HECW2: variants seen among roughly 807,000 people sequenced by gnomAD.
HECW2 encodes E3 ubiquitin-protein ligase HECW2.
In HECW2, 61 loss-of-function variants were observed where a neutral mutation model predicts 175.2. The ratio of observed to expected loss-of-function variants is 0.35; its 90% CI spans 0.28 to 0.43. The LOEUF is 0.43. Ranked by LOEUF, HECW2 falls within the 20% of genes least tolerant of loss-of-function variation. The pLI, the probability that HECW2 is intolerant of heterozygous loss-of-function variation, is 1.00. For synonymous variants in HECW2, 671 were observed against 731.0 expected, an observed-to-expected ratio of 0.92 and a Z score of 1.32; for missense variants, 1,524 against 2,000.5, an observed-to-expected ratio of 0.76 and a Z score of 4.54.
chr2:196,239,554 T>A (rs1688372868), intron 21 of HECW2: 1 of 152,256 alleles, frequency 6.6e-6, no homozygotes, highest in Non-Finnish European at 1.5e-5. Context: ...TAATCTAATA[T>A]ACTTTATTCC....
Position 196,562,991 on chromosome 2 carries a change from C to T in HECW2, c.-36+30517G>A, listed in dbSNP as rs541677537. On this transcript the variant is annotated intron_variant, in intron 1 of 28. Transcript: ENST00000644978. Reference sequence around the variant, plus strand: ...CTGGGAGGTTGAGGCTGCAGTGAGCCATGAACGCACAATGTACTCCAGCCT... The same window carrying T: ...CTGGGAGGTTGAGGCTGCAGTGAGCTATGAACGCACAATGTACTCCAGCCT... Among the ~76,000 whole-genome samples, 6 of 152,172 alleles carry T rather than the reference C, an allele frequency of 3.9e-5. No individual in the cohort carries two copies. The East Asian group carries it at 1.2e-3, about 29-fold the overall frequency.
At chr2:196,330,486 C>T (rs1289078277) in intron 4 of HECW2, among the ~76,000 whole-genome samples, 1 of 152,208 alleles carries the variant, frequency 6.6e-6, no homozygotes, top group African/African-American at 2.4e-5. Flanking sequence ...AAGATTATTT[C>T]CTTGAGCAAA....
At chr2:196,312,908 C>A (rs1691552026) in intron 10 of HECW2, among the ~76,000 whole-genome samples, 1 of 152,142 alleles carries the variant, frequency 6.6e-6, no homozygotes, top group African/African-American at 2.4e-5. Flanking sequence ...TTTTCAGATT[C>A]ACTGCATGGT....
chr2:196,387,450 T>A (rs996699819), intron 2 of HECW2, among the ~76,000 whole-genome samples: 1 of 152,132 alleles, frequency 6.6e-6, no homozygotes, highest in Non-Finnish European at 1.5e-5. Flanking sequence ...GGTAGCACCA[T>A]CTGTGAGGAA....
intron 2 of HECW2, among the ~76,000 whole-genome samples, chr2:196,371,163 G>A (rs975670980): frequency 3.3e-5 from 5 of 151,994 alleles, no homozygotes; most frequent in Admixed American, 1.3e-4. Flanking sequence ...TCTGATACAG[G>A]TACTCTTTGA....
At chr2:196,253,444 G>T (rs1869797) in intron 19 of HECW2, among the ~76,000 whole-genome samples, 142,120 of 152,270 alleles carry the variant, frequency 0.93, 67,076 homozygotes, top group Non-Finnish European at 1. Context: ...CACATTTCAG[G>T]TTACCTATCA....
chr2:196,332,848 G>A (rs1371332156), intron 4 of HECW2, among the ~76,000 whole-genome samples: 1 of 152,168 alleles, frequency 6.6e-6, no homozygotes, highest in African/African-American at 2.4e-5. Context: ...TGACATGGCA[G>A]ACTTTGTAAT....
At chr2:196,361,513 C>T (rs1210316547) in intron 2 of HECW2, among the ~76,000 whole-genome samples, 1 of 152,138 alleles carries the variant, frequency 6.6e-6, no homozygotes, top group East Asian at 1.9e-4. Flanking sequence ...TAGGTAGAAC[C>T]TGTACTTAAC....
chr2:196,443,313 CCAGTGCCAATAT>C (rs1696092422), intron 1 of HECW2, among the ~76,000 whole-genome samples: 3 of 152,072 alleles, frequency 2.0e-5, no homozygotes, highest in Admixed American at 6.6e-5. Flanking sequence ...TAACAAAATA[CCAGTGCCAATAT>C]CATAGACCCT....
At chr2:196,275,384 T>C (rs1415169405) in intron 15 of HECW2, among the ~76,000 whole-genome samples, 1 of 152,138 alleles carries the variant, frequency 6.6e-6, no homozygotes, top group Non-Finnish European at 1.5e-5. Context: ...AAAAAGAAAA[T>C]TTACAAAGCA....
intron 2 of HECW2, among the ~76,000 whole-genome samples, chr2:196,356,493 G>A (rs566919477): frequency 1.3e-5 from 2 of 152,250 alleles, no homozygotes; most frequent in South Asian, 2.1e-4. Context: ...CATCCCGCCC[G>A]GATGTAAATC....
At chr2:196,272,712 T>C (rs547939020) in intron 16 of HECW2, among the ~76,000 whole-genome samples, 1 of 152,320 alleles carries the variant, frequency 6.6e-6, no homozygotes, top group South Asian at 2.1e-4. Context: ...AATACCATTG[T>C]CAACTCAAAT....
chr2:196,257,283 G>GC (rs398105163), intron 18 of HECW2, among the ~76,000 whole-genome samples: 4 of 148,970 alleles, frequency 2.7e-5, no homozygotes, highest in Non-Finnish European at 4.4e-5. Flanking sequence ...AGGGTGAGGG[G>GC]CGGGGGTGAA....
At chr2:196,588,052 CT>C (rs974991719) in intron 1 of HECW2, among the ~76,000 whole-genome samples, 18 of 152,198 alleles carry the variant, frequency 1.2e-4, no homozygotes, top group African/African-American at 3.6e-4. Context: ...CTTAAGGTCT[CT>C]TTCTCCATGA....
intron 1 of HECW2, among the ~76,000 whole-genome samples, chr2:196,571,480 G>A (rs1380226999): frequency 2.6e-5 from 4 of 152,126 alleles, no homozygotes; most frequent in Non-Finnish European, 4.4e-5. Context: ...AGGCCAAGGT[G>A]GGTGGATCAC....
intron 17 of HECW2, among the ~76,000 whole-genome samples, chr2:196,261,726 T>C (rs1689300788): frequency 6.6e-6 from 1 of 152,248 alleles, no homozygotes; most frequent in African/African-American, 2.4e-5. Flanking sequence ...TTTAACTTAA[T>C]TTGTATGTCT....
rs539072840 is a variant in HECW2, at chr2:196,299,990, T to C, written c.2814+6498A>G. On this transcript the variant is annotated intron_variant, in intron 13 of 28. Transcript: ENST00000644978. The stretch of plus-strand genomic sequence containing the variant: ...ACTCAGTGACTATTTATCCAGTCTC[T>C]ACTTGAAACAATGCAGCGATGAGGA... Among the ~76,000 whole-genome samples, 66 of 152,258 alleles carry C rather than the reference T, an allele frequency of 4.3e-4. 1 individual carries two copies. Among genetic ancestry groups the C allele is most frequent in the Middle Eastern group, 6.8e-3 (2 of 294 alleles).
intron 1 of HECW2, among the ~76,000 whole-genome samples, chr2:196,498,194 T>C (rs1009791028): frequency 1.3e-5 from 2 of 152,192 alleles, no homozygotes; most frequent in South Asian, 4.1e-4. Flanking sequence ...TCCTAATAAC[T>C]GAAACTTATA....
rs1250846413 is a variant in HECW2, at chr2:196,201,012, AT to A, written c.*264del. On this transcript the variant is annotated 3_prime_UTR_variant, in exon 29 of 29. Coordinates refer to ENST00000644978, the MANE Select transcript of HECW2 (RefSeq NM_001348768.2). ...TATGGGTTCATCTTTGTCTTGGAAC[AT>A]AACAAATGGAAAAAGTTTGGCAGTC... is the stretch of plus-strand genomic sequence containing the variant. 1 of 362,900 alleles carries A rather than the reference AT, an allele frequency of 2.8e-6. No homozygotes were observed. The highest frequency in any genetic ancestry group is 5.3e-6 in the Non-Finnish European group (1 of 190,000). 22.5% of individuals were successfully genotyped at this position (362,900 alleles called of 1,614,324 possible).
Sources: allele counts gnomAD v4.1 joint callset (sites outside exome capture counted in the v4.1 genomes callset), GRCh38; gene constraint gnomAD v4.1.1; transcripts MANE v1.5; gene names NCBI Gene and HGNC (gene_info 2026-07-23, HGNC 2026-07-21).